Variants in ADGRV1 observed in about 807,000 individuals in gnomAD.
The protein encoded by ADGRV1 is adhesion G protein-coupled receptor V1.
Under a neutral mutation model 596.2 loss-of-function variants are expected in ADGRV1, and 359 were observed. That is an observed-to-expected ratio of 0.60 (90% CI 0.55 to 0.66). The LOEUF (loss-of-function observed/expected upper bound fraction) is 0.66. Among genes scored for constraint, ADGRV1 ranks in the 30% least tolerant of loss-of-function variants. ADGRV1 has a pLI of 0.00. For missense variants in ADGRV1, 7,274 were observed against 7,575.6 expected (o/e 0.96, Z 1.48); for synonymous variants, 2,681 against 2,679.2 (o/e 1.00, Z -0.02).
At position 90,706,222 on chromosome 5, in the gene ADGRV1, T is replaced by C. The variant is rs1748573443; in HGVS notation, c.8567-9T>C. The stretch of plus-strand genomic sequence containing the variant: ...AATTATAAAACATTTTTGCAACCTA[T>C]TCAATTAGGAGCTATCAATGTCACA... On this transcript the variant is annotated splice_polypyrimidine_tract_variant and intron_variant, in intron 37 of 89. Transcript: ENST00000405460. The C allele has an allele frequency of 6.3e-7, 1 of 1,590,172 alleles. No individual in the cohort carries two copies.
chr5:90,802,725 CTGTT>C lies in ADGRV1; in HGVS notation c.14518-8_14518-5del, dbSNP rs770321161. The C allele has an allele frequency of 1.2e-5, 19 of 1,603,986 alleles. No individual in the cohort carries two copies. In the South Asian group the frequency reaches 2.0e-4, roughly 17 times the overall value. On this transcript the variant is annotated splice_polypyrimidine_tract_variant and intron_variant, in intron 70 of 89. Transcript: ENST00000405460. ...GAAAATTATTTCTAAATCACTGACA[CTGTT>C]TGTTTATAGGTCTTCCTATCACTGG...
chr5:90,825,239 C>T (rs886504274), intron 76 of ADGRV1, among the ~76,000 whole-genome samples: 4 of 152,130 alleles, frequency 2.6e-5, no homozygotes, highest in Non-Finnish European at 5.9e-5. Context: ...GCCTAGCCCC[C>T]ATATTTCTTA....
intron 28 of ADGRV1, 132 bp downstream of exon 28, chr5:90,684,327 A>G: frequency 1.2e-6 from 1 of 828,558 alleles, no homozygotes; most frequent in Non-Finnish European, 1.8e-6. Flanking sequence ...CTCTTACAAC[A>G]GTTTACCTGT....
At chr5:90,922,807 G>A (rs145175810) in intron 83 of ADGRV1, among the ~76,000 whole-genome samples, 9 of 152,268 alleles carry the variant, frequency 5.9e-5, no homozygotes, top group African/African-American at 9.6e-5. Flanking sequence ...GATCTGGTAC[G>A]GCTGGTCCTC....
intron 88 of ADGRV1, 46 bp downstream of exon 88, chr5:91,150,267 C>CTCTCTCTCTCTCTGTCTG: frequency 7.9e-7 from 1 of 1,265,350 alleles, no homozygotes; most frequent in South Asian, 1.9e-5. Flanking sequence ...GTCTCTGTCT[C>CTCTCTCTCTCTCTGTCTG]TCTCTCTCTC....
At chr5:90,675,518 T>C (rs1255714473) in intron 24 of ADGRV1, 73 bp downstream of exon 24, 3 of 1,357,368 alleles carry the variant, frequency 2.2e-6, no homozygotes, top group Non-Finnish European at 3.1e-6. Flanking sequence ...GGAAGGGATA[T>C]ACACTGTACC....
chr5:90,595,014 G>A (rs1229111662), intron 1 of ADGRV1, among the ~76,000 whole-genome samples: 9 of 146,136 alleles, frequency 6.2e-5, no homozygotes, highest in Admixed American at 1.3e-4. Flanking sequence ...CCTCCCAGAC[G>A]GGGTGGTGGC....
intron 87 of ADGRV1, among the ~76,000 whole-genome samples, chr5:91,102,658 T>C (rs1791490043): frequency 6.6e-6 from 1 of 152,214 alleles, no homozygotes; most frequent in Non-Finnish European, 1.5e-5. Flanking sequence ...ATGGCAGTCA[T>C]GTAAGATCAA....
intron 72 of ADGRV1, among the ~76,000 whole-genome samples, chr5:90,806,366 T>C (rs1174762555): frequency 1.3e-5 from 2 of 152,236 alleles, no homozygotes; most frequent in African/African-American, 4.8e-5. Flanking sequence ...TAGGTGCCCC[T>C]GATGTGATGT....
At position 90,712,047 on chromosome 5, in the gene ADGRV1, C is replaced by G. The variant is rs77298455; in HGVS notation, c.9043-240C>G. 4.1e-3 allele frequency among the ~76,000 whole-genome samples: 632 copies of G among 152,306 alleles called. 12 individuals carry two copies. The East Asian group carries it at 0.051, about 12-fold the overall frequency. ...AAGTGATCAGCCCGCCTCGGCCTCACATAGTGCTGGGATTACAGGCGTGAG... is the reference window on the plus strand; with the variant it reads ...AAGTGATCAGCCCGCCTCGGCCTCAGATAGTGCTGGGATTACAGGCGTGAG... On this transcript the variant is annotated intron_variant, in intron 41 of 89. Transcript: ENST00000405460.
chr5:90,679,338 C>T (rs568144197), intron 25 of ADGRV1, among the ~76,000 whole-genome samples: 4 of 152,146 alleles, frequency 2.6e-5, no homozygotes, highest in Non-Finnish European at 5.9e-5. Context: ...TGGAGTATTT[C>T]ATGAAACTGA....
At chr5:91,088,202 A>G (rs1361992697) in intron 86 of ADGRV1, among the ~76,000 whole-genome samples, 1 of 152,202 alleles carries the variant, frequency 6.6e-6, no homozygotes, top group Non-Finnish European at 1.5e-5. Context: ...ATACTTATAA[A>G]TTAATAAGTA....
At chr5:90,750,162 G>A (rs1190826080) in intron 52 of ADGRV1, among the ~76,000 whole-genome samples, 5 of 151,952 alleles carry the variant, frequency 3.3e-5, no homozygotes, top group Non-Finnish European at 4.4e-5. Context: ...AGAGGAAAAA[G>A]GCTTCCCTAC....
At chr5:90,891,459 G>T (rs916268347) in intron 83 of ADGRV1, among the ~76,000 whole-genome samples, 1 of 151,054 alleles carries the variant, frequency 6.6e-6, no homozygotes, top group Non-Finnish European at 1.5e-5. Context: ...AATTACTTAC[G>T]GTAAAACTTT....
chr5:90,756,891 AAAGTT>A (rs1755887569), intron 56 of ADGRV1, 83 bp from the exon 57 acceptor site: 4 of 1,119,090 alleles, frequency 3.6e-6, no homozygotes, highest in Non-Finnish European at 5.1e-6. Context: ...TGAAATATAG[AAAGTT>A]AAGTAGAAAC....
chr5:91,163,308 G>A (rs1290076502), intron 89 of ADGRV1, among the ~76,000 whole-genome samples: 2 of 152,198 alleles, frequency 1.3e-5, no homozygotes, highest in East Asian at 3.8e-4. Context: ...TGTGACTCCA[G>A]GTGTTCTCAC....
At chr5:91,054,071 T>TTGTGTGTG (rs769226492) in intron 85 of ADGRV1, among the ~76,000 whole-genome samples, 32 of 133,134 alleles carry the variant, frequency 2.4e-4, no homozygotes, top group African/African-American at 7.0e-4. Flanking sequence ...CTGTGTGTGT[T>TTGTGTGTG]TGTGTGTGTG....
At chr5:90,830,892 A>G (rs532872448) in intron 77 of ADGRV1, among the ~76,000 whole-genome samples, 2 of 152,302 alleles carry the variant, frequency 1.3e-5, no homozygotes, top group South Asian at 4.1e-4. Flanking sequence ...TCATTCAATC[A>G]GTCAAAGTCC....
chr5:90,853,149 A>T, intron 79 of ADGRV1, 135 bp from the exon 80 acceptor site: 1 of 796,764 alleles, frequency 1.3e-6, no homozygotes, highest in Non-Finnish European at 1.9e-6. Context: ...CATTCTATTT[A>T]CTGCTTCTGG....
Sources: allele counts gnomAD v4.1 joint callset (sites outside exome capture counted in the v4.1 genomes callset), GRCh38; gene constraint gnomAD v4.1.1; transcripts MANE v1.5; gene names NCBI Gene and HGNC (gene_info 2026-07-23, HGNC 2026-07-21).